Variants in DDX24 observed in about 807,000 individuals in gnomAD.
The protein encoded by DDX24 is ATP-dependent RNA helicase DDX24.
A neutral mutation model predicts 68.9 loss-of-function variants in DDX24; 24 were observed. That is an observed-to-expected ratio of 0.35 (90% CI 0.25 to 0.49). DDX24 has a LOEUF of 0.49. Among genes scored for constraint, DDX24 ranks in the 20% least tolerant of loss-of-function variants. The probability of loss-of-function intolerance (pLI) is 0.99; values close to 1 mark genes in which losing one functional copy is unlikely to be tolerated. For synonymous variants in DDX24, 395 were observed against 385.2 expected (o/e 1.03, Z -0.30); for missense variants, 989 against 1,039.0 (o/e 0.95, Z 0.66).
At position 94,062,368 on chromosome 14, in the gene DDX24, A is replaced by T; in HGVS notation, c.972T>A (p.Thr324=). The change falls in exon 3 of 9, where the codon ACT becomes ACA. Residue 324 remains threonine (T), a synonymous_variant. Transcript: ENST00000621632. ...CAAAGAGCAACGCCTGGTCTGAGAC[A>T]GTGCCTCCAGTCTTGGCTCTGGCCT... ...AAEARAKTGG[T]VSDQALLFGD... The T allele has an allele frequency of 6.2e-7, 1 of 1,614,258 alleles. No homozygotes were observed. The highest frequency in any genetic ancestry group is 8.5e-7 in the Non-Finnish European group (1 of 1,180,048).
At position 94,062,631 on chromosome 14, in the gene DDX24, A is replaced by G. The variant is rs953376717; in HGVS notation, c.719-10T>C. ...AGAGTTTTCCCACTTCCTTAAAAGT[A>G]AAAAAACAAAACAAAGTAAAAACAG... On this transcript the variant is annotated splice_polypyrimidine_tract_variant and intron_variant, in intron 2 of 8. Coordinates refer to ENST00000621632, the MANE Select transcript of DDX24 (RefSeq NM_020414.4). The G allele has an allele frequency of 1.3e-6, 2 of 1,571,804 alleles. No homozygotes were observed. Among genetic ancestry groups the G allele is most frequent in the Non-Finnish European group, 1.7e-6 (2 of 1,162,392 alleles).
Position 94,051,477 on chromosome 14 carries a change from C to T in DDX24, c.2309-15G>A, listed in dbSNP as rs536201407. Reference sequence around the variant, plus strand: ...AGCTTTTCCTCCTTGAAACACAATACAAAAACGATCCTATTTACTATGGTT... The same window carrying T: ...AGCTTTTCCTCCTTGAAACACAATATAAAAACGATCCTATTTACTATGGTT... On this transcript the variant is annotated splice_polypyrimidine_tract_variant and intron_variant, in intron 8 of 8. Transcript: ENST00000621632. 8.6e-6 allele frequency: 13 copies of T among 1,519,416 alleles called. No individual in the cohort carries two copies. Among genetic ancestry groups the T allele is most frequent in the South Asian group, 1.3e-5 (1 of 75,080 alleles). The allele number at this position is 1,519,416 out of a possible 1,614,324, so 94.1% of individuals were successfully genotyped here.
chr14:94,076,092 T>C (rs1185936885), intron 2 of DDX24, among the ~76,000 whole-genome samples: 1 of 152,222 alleles, frequency 6.6e-6, no homozygotes, highest in South Asian at 2.1e-4. Context: ...GACCTAGCCA[T>C]TCCACACCTA....
chr14:94,063,382 G>A (rs900464099), intron 2 of DDX24, among the ~76,000 whole-genome samples: 3 of 152,156 alleles, frequency 2.0e-5, no homozygotes, highest in Admixed American at 6.5e-5. Flanking sequence ...AGAAGACAGT[G>A]TAGCAATATT....
Position 94,051,230 on chromosome 14 carries a change from T to C in DDX24, c.2541A>G (p.Pro847=), listed in dbSNP as rs1434596707. The change falls in exon 9 of 9, where the codon CCA becomes CCG. Residue 847 remains proline, a synonymous_variant. Coordinates refer to ENST00000621632, the MANE Select transcript of DDX24 (RefSeq NM_020414.4). ...TACTTGGCTGTGGCTGTTCCGGCTG[T>C]GGCTCCTTCGGCTTCTTTGTCTTCT... ...KKKKTKKPKE[P]QPEQPQPSTS... The C allele has an allele frequency of 6.3e-7, 1 of 1,586,800 alleles. No homozygotes were observed. The highest frequency in any genetic ancestry group is 8.6e-7 in the Non-Finnish European group (1 of 1,166,886).
At chr14:94,067,699 C>T (rs1164309534) in intron 2 of DDX24, among the ~76,000 whole-genome samples, 1 of 152,156 alleles carries the variant, frequency 6.6e-6, no homozygotes, top group Non-Finnish European at 1.5e-5. Flanking sequence ...TCAAACAAAA[C>T]AATCTTCAGC....
At chr14:94,059,726 G>A (rs1390380415) in intron 5 of DDX24, among the ~76,000 whole-genome samples, 1 of 152,134 alleles carries the variant, frequency 6.6e-6, no homozygotes, top group East Asian at 1.9e-4. Context: ...CAGGCATTCT[G>A]GTTCCAGGAT....
chr14:94,078,886 C>A, intron 2 of DDX24, 139 bp downstream of exon 2: 1 of 912,684 alleles, frequency 1.1e-6, no homozygotes, highest in Non-Finnish European at 1.7e-6. Flanking sequence ...ACCAGAGGGG[C>A]TGACTTCTAA....
intron 2 of DDX24, among the ~76,000 whole-genome samples, chr14:94,064,833 G>T (rs1359415025): frequency 6.6e-6 from 1 of 152,242 alleles, no homozygotes; most frequent in Non-Finnish European, 1.5e-5. Context: ...TAGCCAAGCT[G>T]ACCAGAAGTA....
intron 2 of DDX24, among the ~76,000 whole-genome samples, chr14:94,075,668 T>C (rs1885923382): frequency 6.6e-6 from 1 of 152,172 alleles, no homozygotes; most frequent in African/African-American, 2.4e-5. Context: ...TTGGATTTCA[T>C]CAAAATAAAG....
At chr14:94,053,583 G>C (rs1885435116) in intron 7 of DDX24, among the ~76,000 whole-genome samples, 1 of 151,940 alleles carries the variant, frequency 6.6e-6, no homozygotes, top group Non-Finnish European at 1.5e-5. Context: ...GGGAGGCCAA[G>C]GCGGGCGGAT....
chr14:94,081,153 G>C lies in DDX24; in HGVS notation c.-40C>G, dbSNP rs955086632. The C allele has an allele frequency of 1.3e-5, 2 of 152,330 alleles. No homozygotes were observed. The highest frequency in any genetic ancestry group is 6.5e-5 in the Admixed American group (1 of 15,284). 9.4% of individuals were successfully genotyped at this position (152,330 alleles called of 1,614,324 possible). A position where few individuals can be genotyped will look rare whatever the true frequency, so the allele number is the denominator to read the frequency against. ...ACGCCACCGCAGCTCCGTCAGTCGC[G>C]AGTGAAGAACCTCAGAAACCGCCGC... is the stretch of plus-strand genomic sequence containing the variant. On this transcript the variant is annotated 5_prime_UTR_variant, in exon 1 of 9. Coordinates refer to ENST00000621632, the MANE Select transcript of DDX24 (RefSeq NM_020414.4).
intron 2 of DDX24, among the ~76,000 whole-genome samples, chr14:94,068,423 C>T (rs1168025595): frequency 6.6e-6 from 1 of 152,116 alleles, no homozygotes; most frequent in African/African-American, 2.4e-5. Context: ...TGGGGGACTT[C>T]AATACTCCAC....
chr14:94,055,354 T>C (rs79099449), intron 6 of DDX24, 170 bp from the exon 7 acceptor site: 14,798 of 668,076 alleles, frequency 0.022, 227 homozygotes, highest in Non-Finnish European at 0.03. Flanking sequence ...ACATTCAAAA[T>C]GTTCCCAGGT....
intron 2 of DDX24, among the ~76,000 whole-genome samples, chr14:94,065,826 G>A (rs140790542): frequency 3.3e-5 from 5 of 152,336 alleles, no homozygotes; most frequent in Admixed American, 6.5e-5. Flanking sequence ...AGGGGTAGAA[G>A]AAGCAGCAGA....
In DDX24 at chr14:94,049,739, A is replaced by AT. The variant is rs1418430709; in HGVS notation, c.*1451_*1452insA. 1.3e-5 allele frequency: 2 copies of AT among 151,348 alleles called. No homozygotes were observed. The highest frequency in any genetic ancestry group is 2.4e-5 in the African/African-American group (1 of 41,010). The allele number at this position is 151,348 out of a possible 1,614,324, so 9.4% of individuals were successfully genotyped here. ...GTGAGACCCCATCTCTACTAAAAAA[A>AT]AAAAATTCAGCCAGGTGTGGTGGTG... On this transcript the variant is annotated 3_prime_UTR_variant, in exon 9 of 9. Transcript: ENST00000621632.
intron 4 of DDX24, 134 bp downstream of exon 4, chr14:94,060,779 T>C: frequency 6.8e-7 from 1 of 1,478,694 alleles, no homozygotes. Context: ...ACTCTTGGCT[T>C]TCTAAAGGCC....
At chr14:94,080,909 G>A (rs1279533920) in intron 1 of DDX24, among the ~76,000 whole-genome samples, 1 of 152,184 alleles carries the variant, frequency 6.6e-6, no homozygotes, top group Non-Finnish European at 1.5e-5. Flanking sequence ...GAGAAGCCGA[G>A]AAGCCAAGGC....
rs1199185867 is a variant in DDX24, at chr14:94,049,093, A to G, written c.*2098T>C. 6.6e-6 allele frequency: 1 copy of G among 152,208 alleles called. No homozygotes were observed. The highest frequency in any genetic ancestry group is 1.5e-5 in the Non-Finnish European group (1 of 68,068). The allele number at this position is 152,208 out of a possible 1,614,324, so 9.4% of individuals were successfully genotyped here. A position where few individuals can be genotyped will look rare whatever the true frequency, so the allele number is the denominator to read the frequency against. ...AAGCTCTGCCCACCAACTTCACCTT[A>G]CCAGGCGAGAGTAGCACTGCTTGGA... On this transcript the variant is annotated 3_prime_UTR_variant, in exon 9 of 9. Coordinates refer to ENST00000621632, the MANE Select transcript of DDX24 (RefSeq NM_020414.4).
Sources: gnomAD v4.1 joint callset for allele counts (sites outside exome capture counted in the v4.1 genomes callset) on GRCh38, gnomAD v4.1.1 for gene constraint, MANE v1.5 for transcripts, NCBI Gene and HGNC (gene_info 2026-07-23, HGNC 2026-07-21) for gene names.